Variants in RNGTT observed in about 807,000 individuals in gnomAD.
RNGTT encodes the protein mRNA-capping enzyme.
In RNGTT, 33 loss-of-function variants were observed where a neutral mutation model predicts 79.3. The observed-to-expected ratio is 0.42, with a 90% CI of 0.32 to 0.56. RNGTT has a LOEUF of 0.56. Ranked by LOEUF, RNGTT falls within the 20% of genes least tolerant of loss-of-function variation. The probability of loss-of-function intolerance (pLI) is 0.17; values close to 1 mark genes in which losing one functional copy is unlikely to be tolerated. For missense variants in RNGTT, 497 were observed against 739.1 expected (o/e 0.67, Z 3.80); for synonymous variants, 222 against 235.9 (o/e 0.94, Z 0.54).
chr6:88,613,148 T>C (rs1015150731), intron 15 of RNGTT, among the ~76,000 whole-genome samples: 4 of 152,200 alleles, frequency 2.6e-5, no homozygotes, highest in Admixed American at 2.0e-4. Flanking sequence ...CGGTTTTCTA[T>C]CCCTCCCAAA....
intron 13 of RNGTT, among the ~76,000 whole-genome samples, chr6:88,767,636 T>A (rs528416878): frequency 1.4e-5 from 2 of 143,370 alleles, no homozygotes; most frequent in African/African-American, 5.1e-5. Context: ...TTTTACTTCA[T>A]CTTTGAAGTC....
intron 13 of RNGTT, among the ~76,000 whole-genome samples, chr6:88,697,431 G>A (rs1301486172): frequency 6.6e-6 from 1 of 151,994 alleles, no homozygotes; most frequent in Non-Finnish European, 1.5e-5. Flanking sequence ...GGCACCTATA[G>A]TCCCAGCTGC....
chr6:88,905,681 A>G (rs1490603178), intron 5 of RNGTT, among the ~76,000 whole-genome samples: 1 of 152,212 alleles, frequency 6.6e-6, no homozygotes, highest in East Asian at 1.9e-4. Flanking sequence ...CAGATGCTCA[A>G]TAAAGACATG....
At chr6:88,711,787 C>T (rs1354684489) in intron 13 of RNGTT, among the ~76,000 whole-genome samples, 2 of 152,160 alleles carry the variant, frequency 1.3e-5, no homozygotes, top group East Asian at 3.8e-4. Flanking sequence ...TTTGTTAGTT[C>T]ACTCATTCAC....
chr6:88,757,019 A>T (rs1466930434), intron 13 of RNGTT, among the ~76,000 whole-genome samples: 3 of 152,220 alleles, frequency 2.0e-5, no homozygotes, highest in Non-Finnish European at 2.9e-5. Flanking sequence ...TTAACAACTA[A>T]CATCCACTAT....
intron 14 of RNGTT, among the ~76,000 whole-genome samples, chr6:88,634,959 A>G (rs1008876736): frequency 1.3e-5 from 2 of 152,046 alleles, no homozygotes; most frequent in African/African-American, 2.4e-5. Flanking sequence ...CTCTAATGGG[A>G]TACCGAATTT....
intron 13 of RNGTT, among the ~76,000 whole-genome samples, chr6:88,757,490 G>A (rs1480341824): frequency 1.3e-5 from 2 of 151,954 alleles, no homozygotes; most frequent in African/African-American, 2.4e-5. Context: ...TCTTATATGG[G>A]GTAGAGCTAG....
At chr6:88,885,617 C>T (rs1030204142) in intron 8 of RNGTT, among the ~76,000 whole-genome samples, 5 of 152,124 alleles carry the variant, frequency 3.3e-5, no homozygotes, top group South Asian at 4.2e-4. Flanking sequence ...AAAATAATGG[C>T]GAAAAGTATA....
At chr6:88,938,545 A>G (rs765968668) in intron 2 of RNGTT, among the ~76,000 whole-genome samples, 1 of 152,198 alleles carries the variant, frequency 6.6e-6, no homozygotes, top group Non-Finnish European at 1.5e-5. Flanking sequence ...TATTATTAAT[A>G]TGTGAAGGCT....
At chr6:88,898,722 CACTAAGTTATTCTTCTAT>C (rs1379087869) in intron 6 of RNGTT, among the ~76,000 whole-genome samples, 2 of 150,038 alleles carry the variant, frequency 1.3e-5, no homozygotes, top group African/African-American at 4.9e-5. Context: ...TATTCTTCTA[CACTAAGTTATTCTTCTAT>C]ACTATGTTTT....
At chr6:88,958,240 TTAAG>T (rs1785499522) in intron 1 of RNGTT, among the ~76,000 whole-genome samples, 2 of 152,176 alleles carry the variant, frequency 1.3e-5, no homozygotes, top group African/African-American at 4.8e-5. Flanking sequence ...CAACTCAAAC[TTAAG>T]TAAGATCTGA....
chr6:88,897,935 G>T (rs79740416), intron 6 of RNGTT, among the ~76,000 whole-genome samples: 2,853 of 152,176 alleles, frequency 0.019, 82 homozygotes, highest in African/African-American at 0.065. Flanking sequence ...ATTGCTGCAG[G>T]AAGAGTGAGC....
At chr6:88,749,639 C>A (rs1174091181) in intron 13 of RNGTT, among the ~76,000 whole-genome samples, 3 of 151,742 alleles carry the variant, frequency 2.0e-5, no homozygotes, top group Non-Finnish European at 4.4e-5. Flanking sequence ...TGAGTAACAA[C>A]AATAAAAAAT....
chr6:88,761,190 A>G (rs1245910732), intron 13 of RNGTT, among the ~76,000 whole-genome samples: 1 of 152,014 alleles, frequency 6.6e-6, no homozygotes, highest in East Asian at 1.9e-4. Context: ...TTACCTGGTT[A>G]ACAAACCAGA....
chr6:88,666,135 T>C lies in RNGTT; in HGVS notation c.1506+12218A>G, dbSNP rs768951185. On this transcript the variant is annotated intron_variant, in intron 14 of 15. Transcript: ENST00000369485. ...TACCAAGTTACAAAGGGGGGTGACA[T>C]GGAACCATTTGAATGGGGGTCCCAA... Among the ~76,000 whole-genome samples the C allele has an allele frequency of 1.3e-4, 20 of 152,228 alleles. No individual in the cohort carries two copies. The South Asian group carries it at 1.7e-3, about 13-fold the overall frequency.
At chr6:88,869,760 A>G (rs1299926801) in intron 8 of RNGTT, among the ~76,000 whole-genome samples, 4 of 152,156 alleles carry the variant, frequency 2.6e-5, no homozygotes, top group African/African-American at 9.6e-5. Flanking sequence ...AAATAAATAT[A>G]TTATGGACTC....
chr6:88,898,528 CTT>C (rs1783329045), intron 6 of RNGTT, among the ~76,000 whole-genome samples: 1 of 151,502 alleles, frequency 6.6e-6, no homozygotes, highest in Non-Finnish European at 1.5e-5. Flanking sequence ...GATAGCCTCT[CTT>C]GTCTTCTAAA....
intron 14 of RNGTT, among the ~76,000 whole-genome samples, chr6:88,622,337 C>A (rs1281503540): frequency 3.3e-5 from 5 of 152,040 alleles, no homozygotes; most frequent in African/African-American, 1.2e-4. Context: ...GATACTCATA[C>A]ACAAAATTTA....
At chr6:88,692,769 G>C (rs1192155043) in intron 13 of RNGTT, among the ~76,000 whole-genome samples, 1 of 151,962 alleles carries the variant, frequency 6.6e-6, no homozygotes, top group Non-Finnish European at 1.5e-5. Flanking sequence ...AATATGTGCA[G>C]TTTATTATAA....
Sources: gnomAD v4.1 joint callset for allele counts (sites outside exome capture counted in the v4.1 genomes callset) on GRCh38, gnomAD v4.1.1 for gene constraint, MANE v1.5 for transcripts, NCBI Gene and HGNC (gene_info 2026-07-23, HGNC 2026-07-21) for gene names.